The following ADGRG1 variants were observed in gnomAD, a reference collection of about 807,000 sequenced individuals.
The protein encoded by ADGRG1 is 7-transmembrane protein with no EGF-like N-terminal domains-1.
A neutral mutation model predicts 73.5 loss-of-function variants in ADGRG1; 53 were observed. The ratio of observed to expected loss-of-function variants is 0.72; its 90% confidence interval spans 0.58 to 0.91. The LOEUF is 0.91. ADGRG1 is among the 40% of genes least tolerant of loss of function. ADGRG1 has a pLI of 0.00. For synonymous variants in ADGRG1, 394 were observed against 374.4 expected, an observed-to-expected ratio of 1.05 and a Z score of -0.60; for missense variants, 795 against 871.8, an observed-to-expected ratio of 0.91 and a Z score of 1.11.
chr16:57,659,312 C>CG, intron 10 of ADGRG1, 101 bp from the exon 11 acceptor site: 2 of 1,594,510 alleles, frequency 1.3e-6, no homozygotes, highest in South Asian at 2.2e-5. Context: ...ATGTGTGTGT[C>CG]GGGGTGGGGG....
At chr16:57,650,647 A>G (rs1191320121) in intron 2 of ADGRG1, 1 of 152,370 alleles carries the variant, frequency 6.6e-6, no homozygotes, top group Non-Finnish European at 1.5e-5. Flanking sequence ...GCCTCATTAA[A>G]TACTTCATTG....
chr16:57,629,709 A>C (rs1313591660), intron 1 of ADGRG1, among the ~76,000 whole-genome samples: 1 of 152,176 alleles, frequency 6.6e-6, no homozygotes, highest in Non-Finnish European at 1.5e-5. Flanking sequence ...GGGGAAGCGC[A>C]GGCTGCGGGC....
chr16:57,654,753 GC>G, intron 5 of ADGRG1, among the ~76,000 whole-genome samples: 1 of 152,272 alleles, frequency 6.6e-6, no homozygotes, highest in Non-Finnish European at 1.5e-5. Context: ...GGTAGTACAT[GC>G]CTGTAATTCC....
intron 13 of ADGRG1, 147 bp from the exon 14 acceptor site, chr16:57,663,304 CG>C (rs2047700541): frequency 3.9e-6 from 6 of 1,519,296 alleles, no homozygotes; most frequent in Middle Eastern, 2.3e-4. Flanking sequence ...AGGAGGTGCT[CG>C]CTGGGTCTCA....
chr16:57,646,479 C>T (rs1223650429), intron 1 of ADGRG1: 5 of 985,340 alleles, frequency 5.1e-6, no homozygotes, highest in Non-Finnish European at 6.0e-6. Flanking sequence ...CTGTTCTGTC[C>T]TGTGTGTGTT....
Position 57,657,380 on chromosome 16 carries a change from C to T in ADGRG1, c.1175C>T (p.Ser392Leu), listed in dbSNP as rs770060105. Residue 392 changes from serine to leucine, a missense_variant, in exon 10 of 14, where the codon TCG (serine) becomes TTG (leucine). By Grantham distance (145) the Ser-to-Leu change is moderately radical (BLOSUM62 -2). Coordinates refer to ENST00000562631, the MANE Select transcript of ADGRG1 (RefSeq NM_201525.4). ...LTYFAVLMVS[S>L]VEVDAVHKHY... ...CCTGTCTCCTGGGGCCAGGTCTCCT[C>T]GGTGGAGGTGGACGCCGTGCACAAG... is the stretch of plus-strand genomic sequence containing the variant. The T allele has an allele frequency of 5.6e-6, 9 of 1,614,060 alleles. No homozygotes were observed. Among genetic ancestry groups the T allele is most frequent in the Admixed American group, 5.0e-5 (3 of 60,032 alleles).
At chr16:57,631,764 G>T (rs2037998348) in intron 1 of ADGRG1, 2 of 985,424 alleles carry the variant, frequency 2.0e-6, no homozygotes, top group African/African-American at 3.5e-5. Flanking sequence ...AGCCTCCCAG[G>T]CCTCCTTTCT....
At chr16:57,633,801 C>A (rs1040587750) in intron 1 of ADGRG1, among the ~76,000 whole-genome samples, 1 of 152,164 alleles carries the variant, frequency 6.6e-6, no homozygotes, top group East Asian at 1.9e-4. Flanking sequence ...AGACTTTATC[C>A]GGAACAATGG....
intron 13 of ADGRG1, 119 bp from the exon 14 acceptor site, chr16:57,663,333 G>T: frequency 6.5e-7 from 1 of 1,544,436 alleles, no homozygotes; most frequent in South Asian, 1.2e-5. Flanking sequence ...CCGACAGCAC[G>T]TGCTTGGCAA....
At chr16:57,655,227 C>T in intron 5 of ADGRG1, 172 bp from the exon 6 acceptor site, 1 of 985,348 alleles carries the variant, frequency 1.0e-6, no homozygotes, top group East Asian at 1.1e-4. Context: ...GAGCTGGTAG[C>T]AGGGAAGGGA....
intron 1 of ADGRG1, chr16:57,646,393 C>A (rs1018259961): frequency 1.7e-5 from 17 of 984,430 alleles, no homozygotes; most frequent in Middle Eastern, 5.2e-4. Context: ...CTCAGACAAA[C>A]CCTGGCCACC....
intron 13 of ADGRG1, chr16:57,663,131 T>C (rs1462996569): frequency 1.1e-6 from 1 of 948,424 alleles, no homozygotes; most frequent in Admixed American, 6.2e-5. Context: ...CTTCAGAGCC[T>C]GTTCACCACA....
At chr16:57,626,030 T>C (rs2035770516), upstream of ADGRG1, among the ~76,000 whole-genome samples, 1 of 152,194 alleles carries the variant, frequency 6.6e-6, no homozygotes, top group Admixed American at 6.5e-5. Context: ...GCCCTCCCTG[T>C]ACCTCGGTTC....
chr16:57,646,385 C>G (rs1007704175), intron 1 of ADGRG1: 7 of 983,380 alleles, frequency 7.1e-6, no homozygotes, highest in Non-Finnish European at 8.5e-6. Context: ...GGTCTCAGCT[C>G]AGACAAACCC....
At chr16:57,641,047 C>G in intron 1 of ADGRG1, 1 of 985,388 alleles carries the variant, frequency 1.0e-6, no homozygotes, top group Non-Finnish European at 1.2e-6. Flanking sequence ...CTCTTTGTCC[C>G]TTGCTACCAG....
chr16:57,646,523 G>A, intron 1 of ADGRG1: 1 of 985,438 alleles, frequency 1.0e-6, no homozygotes, highest in Non-Finnish European at 1.2e-6. Context: ...CGGCTGCTCT[G>A]GAAGCTGGGG....
In ADGRG1 at chr16:57,656,130, T is replaced by C; in HGVS notation, c.1018-96T>C. The C allele has an allele frequency of 3.7e-6, 6 of 1,613,250 alleles. No homozygotes were observed. The South Asian group carries it at 5.5e-5, about 15-fold the overall frequency. ...AGTCAGGTCCAAATGGGGCGGGTGG[T>C]GGCTTGACTGTGTTCTAGACTTCCT... On this transcript the variant is annotated intron_variant, in intron 7 of 13. Coordinates refer to ENST00000562631, the MANE Select transcript of ADGRG1 (RefSeq NM_201525.4).
Position 57,663,904 on chromosome 16 carries a change from A to C in ADGRG1, c.*322A>C. The C allele has an allele frequency of 2.3e-6, 1 of 437,196 alleles. No homozygotes were observed. The allele number at this position is 437,196 out of a possible 1,614,324, so 27.1% of individuals were successfully genotyped here. On this transcript the variant is annotated 3_prime_UTR_variant, in exon 14 of 14. Coordinates refer to ENST00000562631, the MANE Select transcript of ADGRG1 (RefSeq NM_201525.4). The stretch of plus-strand genomic sequence containing the variant: ...CTTACAACCCCTGGGCCCAGCCCTC[A>C]TTGCTGGGGGCCAGGCCTTGGATCT...
Position 57,657,486 on chromosome 16 carries a change from C to T in ADGRG1, c.1281C>T (p.Cys427=), listed in dbSNP as rs1219773085. Residue 427 remains cysteine, a synonymous_variant, in exon 10 of 14, where the codon TGC becomes TGT. Coordinates refer to ENST00000562631, the MANE Select transcript of ADGRG1 (RefSeq NM_201525.4). The part of the protein sequence containing the change: ...ACLVTIAAYL[C]SRRKPRDYTI... ...TTGTCACCATTGCCGCCTACCTCTG[C>T]TCCAGGTGAGGCCTGAAAGGGGTGG... is the stretch of plus-strand genomic sequence containing the variant. The T allele has an allele frequency of 6.2e-7, 1 of 1,611,176 alleles. No homozygotes were observed. The highest frequency in any genetic ancestry group is 1.7e-5 in the Admixed American group (1 of 60,028).
Sources: allele counts gnomAD v4.1 joint callset (sites outside exome capture counted in the v4.1 genomes callset), GRCh38; gene constraint gnomAD v4.1.1; transcripts MANE v1.5; gene names NCBI Gene and HGNC (gene_info 2026-07-23, HGNC 2026-07-21).